The following CUL5 variants were observed in gnomAD, a reference collection of about 807,000 sequenced individuals.
CUL5 encodes the protein cullin 5, also known as cullin-5.
Under a neutral mutation model 108.8 loss-of-function variants are expected in CUL5, and 26 were observed. The observed-to-expected ratio is 0.24, with a 90% confidence interval of 0.18 to 0.33. The LOEUF is 0.33. Ranked by LOEUF, CUL5 falls within the 10% of genes least tolerant of loss-of-function variation. CUL5 has a pLI of 1.00. For synonymous variants in CUL5, 334 were observed against 298.0 expected (o/e 1.12, Z -1.25); for missense variants, 524 against 909.2 (o/e 0.58, Z 5.45).
chr11:108,094,541 A>G (rs1565269238), intron 14 of CUL5, 27 bp downstream of exon 14: 2 of 1,174,108 alleles, frequency 1.7e-6, no homozygotes, highest in South Asian at 3.2e-5. Flanking sequence ...ACATGTATAT[A>G]TTTTTTAAAC....
intron 7 of CUL5, 120 bp downstream of exon 7, chr11:108,055,075 T>A: frequency 1.3e-6 from 1 of 786,618 alleles, no homozygotes; most frequent in South Asian, 1.9e-5. Flanking sequence ...TGATTTTAGT[T>A]CTTTTTGCCT....
chr11:108,063,316 C>T (rs1416946691), intron 7 of CUL5, among the ~76,000 whole-genome samples: 1 of 152,140 alleles, frequency 6.6e-6, no homozygotes, highest in Admixed American at 6.6e-5. Context: ...TCTTTCTGTT[C>T]CTGGCTTATT....
intron 3 of CUL5, among the ~76,000 whole-genome samples, chr11:108,046,959 A>T (rs1863083319): frequency 6.6e-6 from 1 of 152,060 alleles, no homozygotes; most frequent in African/African-American, 2.4e-5. Context: ...GGCCTCTCTT[A>T]TGAATAAATC....
At chr11:108,035,850 A>G (rs1420761060) in intron 2 of CUL5, among the ~76,000 whole-genome samples, 2 of 152,180 alleles carry the variant, frequency 1.3e-5, no homozygotes, top group Admixed American at 6.5e-5. Context: ...GCCCAGTAGC[A>G]GAGTGTCAGG....
At chr11:108,032,643 G>T (rs1450221177) in intron 1 of CUL5, among the ~76,000 whole-genome samples, 2 of 151,856 alleles carry the variant, frequency 1.3e-5, no homozygotes, top group Admixed American at 6.6e-5. Flanking sequence ...TCCTAATATT[G>T]CACTACTTTT....
At chr11:108,063,036 G>A (rs987253580) in intron 7 of CUL5, among the ~76,000 whole-genome samples, 9 of 152,042 alleles carry the variant, frequency 5.9e-5, no homozygotes, top group African/African-American at 1.9e-4. Context: ...GTAGAGATGG[G>A]GTTTCTCCAT....
chr11:108,094,471 A>G lies in CUL5; in HGVS notation c.1524A>G (p.Gln508=), dbSNP rs772905554. The stretch of plus-strand genomic sequence containing the variant: ...TAAAAGTATCTGAAGATTTGAACCA[A>G]GCTTTTAAGGAAATGCACAAAAATA... ...QDIKVSEDLN[Q]AFKEMHKNNK... is the part of the protein sequence containing the mutation. The change falls in exon 14 of 19, where the codon CAA becomes CAG. Residue 508 remains glutamine (Q), a synonymous_variant. Transcript: ENST00000393094. 5.2e-6 allele frequency: 8 copies of G among 1,537,170 alleles called. No homozygotes were observed. Among genetic ancestry groups the G allele is most frequent in the Non-Finnish European group, 7.1e-6 (8 of 1,123,298 alleles).
intron 7 of CUL5, among the ~76,000 whole-genome samples, chr11:108,069,522 GA>G (rs1863770109): frequency 6.6e-6 from 1 of 151,852 alleles, no homozygotes. Context: ...AACTACCCTA[GA>G]AAAAAGTAGT....
At chr11:108,068,278 G>A (rs1863738691) in intron 7 of CUL5, among the ~76,000 whole-genome samples, 1 of 152,078 alleles carries the variant, frequency 6.6e-6, no homozygotes, top group Non-Finnish European at 1.5e-5. Flanking sequence ...AAAGTCATCA[G>A]CATCATTCTT....
At chr11:108,039,110 T>G (rs934774425) in intron 2 of CUL5, among the ~76,000 whole-genome samples, 54 of 152,198 alleles carry the variant, frequency 3.5e-4, no homozygotes, top group African/African-American at 1.3e-3. Flanking sequence ...AACCTCTGCC[T>G]CCCAGGTTCA....
chr11:108,091,970 C>G (rs1177867600), intron 13 of CUL5, among the ~76,000 whole-genome samples: 2 of 151,882 alleles, frequency 1.3e-5, no homozygotes, highest in African/African-American at 4.8e-5. Context: ...TACTCCATGT[C>G]TACAAAAAAT....
intron 2 of CUL5, among the ~76,000 whole-genome samples, chr11:108,034,535 C>G (rs1349415743): frequency 6.6e-6 from 1 of 152,102 alleles, no homozygotes; most frequent in African/African-American, 2.4e-5. Context: ...CTCAGGGGTG[C>G]TGGTAGTTGG....
intron 18 of CUL5, among the ~76,000 whole-genome samples, chr11:108,100,998 C>A (rs1864649102): frequency 6.6e-6 from 1 of 152,140 alleles, no homozygotes; most frequent in Non-Finnish European, 1.5e-5. Context: ...CACTGCACTC[C>A]AGCCTGGCAA....
chr11:108,079,104 T>C (rs1201308435), intron 11 of CUL5, among the ~76,000 whole-genome samples: 1 of 152,120 alleles, frequency 6.6e-6, no homozygotes, highest in East Asian at 1.9e-4. Context: ...TTATTAATTT[T>C]AATTTATTTA....
intron 11 of CUL5, among the ~76,000 whole-genome samples, chr11:108,084,374 G>A (rs1864173898): frequency 6.6e-6 from 1 of 152,232 alleles, no homozygotes; most frequent in South Asian, 2.1e-4. Context: ...TGAGAATGTA[G>A]TTTTGGCCTA....
At chr11:108,095,734 G>T (rs750482292) in intron 16 of CUL5, 43 bp downstream of exon 16, 10 of 1,495,112 alleles carry the variant, frequency 6.7e-6, no homozygotes, top group Non-Finnish European at 8.3e-6. Flanking sequence ...ATCCTCTCAT[G>T]TAGCAGGAAA....
intron 7 of CUL5, among the ~76,000 whole-genome samples, chr11:108,057,610 C>T (rs1254719476): frequency 3.3e-5 from 5 of 152,128 alleles, no homozygotes; most frequent in Admixed American, 3.3e-4. Context: ...GACTAATATT[C>T]TTCAAGGTGT....
At chr11:108,097,785 C>T in intron 17 of CUL5, 31 bp downstream of exon 17, 1 of 1,236,604 alleles carries the variant, frequency 8.1e-7, no homozygotes, top group Non-Finnish European at 1.2e-6. Context: ...AAAATAAAAA[C>T]ACCTTGTTTG....
At chr11:108,053,863 C>CT (rs1420204043) in intron 5 of CUL5, among the ~76,000 whole-genome samples, 1 of 150,466 alleles carries the variant, frequency 6.6e-6, no homozygotes, top group Admixed American at 6.6e-5. Context: ...CTTTTTTTTT[C>CT]TTTTTTTGAG....
Sources: allele counts gnomAD v4.1 joint callset (sites outside exome capture counted in the v4.1 genomes callset), GRCh38; gene constraint gnomAD v4.1.1; transcripts MANE v1.5; gene names NCBI Gene and HGNC (gene_info 2026-07-23, HGNC 2026-07-21).